Variants in RBMS3 observed in about 807,000 individuals in gnomAD.
RBMS3 encodes RNA-binding motif, single-stranded-interacting protein 3.
A neutral mutation model predicts 66.8 loss-of-function variants in RBMS3; 27 were observed. The observed-to-expected ratio is 0.40, with a 90% confidence interval of 0.30 to 0.56. The LOEUF is 0.56. Ranked by LOEUF, RBMS3 falls within the 20% of genes least tolerant of loss-of-function variation. The pLI is 0.40. For synonymous variants in RBMS3, 188 were observed against 183.0 expected (o/e 1.03, Z -0.22); for missense variants, 513 against 549.5 (o/e 0.93, Z 0.66).
intron 12 of RBMS3, among the ~76,000 whole-genome samples, chr3:29,972,160 C>A (rs73829215): frequency 6.6e-6 from 1 of 151,866 alleles, no homozygotes; most frequent in African/African-American, 2.4e-5. Context: ...ACCAGAGGGT[C>A]GATTTCCTTC....
intron 3 of RBMS3, among the ~76,000 whole-genome samples, chr3:29,527,181 T>TAAAAAAAAAAAAAAA (rs538907247): frequency 6.8e-5 from 6 of 87,826 alleles, no homozygotes; most frequent in African/African-American, 2.4e-4. Flanking sequence ...TTAGGTAGAG[T>TAAAAAAAAAAAAAAA]AAAAAAAAAA....
At chr3:29,762,237 G>C (rs1441053811) in intron 5 of RBMS3, among the ~76,000 whole-genome samples, 1 of 152,128 alleles carries the variant, frequency 6.6e-6, no homozygotes, top group Non-Finnish European at 1.5e-5. Flanking sequence ...CCTAAGGTTT[G>C]TGTATCTATA....
At chr3:29,402,874 T>C (rs1559551679) in intron 1 of RBMS3, among the ~76,000 whole-genome samples, 1 of 151,622 alleles carries the variant, frequency 6.6e-6, no homozygotes, top group Non-Finnish European at 1.5e-5. Context: ...TAAACTGGAG[T>C]TTATGGACAC....
intron 12 of RBMS3, among the ~76,000 whole-genome samples, chr3:29,954,631 T>C (rs1217191076): frequency 6.6e-6 from 1 of 151,988 alleles, no homozygotes; most frequent in Non-Finnish European, 1.5e-5. Flanking sequence ...CAATGGTGCT[T>C]AAAACCTCAG....
At chr3:29,870,997 G>C (rs2059478370) in intron 7 of RBMS3, among the ~76,000 whole-genome samples, 1 of 152,008 alleles carries the variant, frequency 6.6e-6, no homozygotes, top group South Asian at 2.1e-4. Flanking sequence ...TTGGATAACT[G>C]TGTGCCCATC....
At chr3:29,928,999 A>T (rs79350846) in intron 10 of RBMS3, among the ~76,000 whole-genome samples, 2,335 of 152,302 alleles carry the variant, frequency 0.015, 47 homozygotes, top group African/African-American at 0.054. Context: ...TCTTTCTCTA[A>T]ACAATTAATA....
At chr3:29,990,655 A>G (rs568439896) in intron 13 of RBMS3, among the ~76,000 whole-genome samples, 1 of 152,254 alleles carries the variant, frequency 6.6e-6, no homozygotes, top group South Asian at 2.1e-4. Context: ...ACTTTGATGT[A>G]TATTTTTATT....
At chr3:29,937,766 G>T (rs557610587) in intron 11 of RBMS3, among the ~76,000 whole-genome samples, 7 of 151,922 alleles carry the variant, frequency 4.6e-5, no homozygotes, top group African/African-American at 7.2e-5. Flanking sequence ...AGAGCTTGAA[G>T]ACAATATTTT....
chr3:29,874,215 T>C (rs2059557951), intron 7 of RBMS3, among the ~76,000 whole-genome samples: 1 of 152,166 alleles, frequency 6.6e-6, no homozygotes, highest in African/African-American at 2.4e-5. Context: ...TGGGGTGCAA[T>C]TGAATTTTAT....
intron 5 of RBMS3, among the ~76,000 whole-genome samples, chr3:29,741,661 C>T (rs947030912): frequency 3.9e-5 from 6 of 152,186 alleles, no homozygotes; most frequent in Non-Finnish European, 8.8e-5. Context: ...AGGATGTGTT[C>T]GTACAAAGTA....
intron 3 of RBMS3, among the ~76,000 whole-genome samples, chr3:29,503,817 A>C (rs1346999495): frequency 6.6e-6 from 1 of 152,134 alleles, no homozygotes; most frequent in Non-Finnish European, 1.5e-5. Flanking sequence ...GCAGTGGAAA[A>C]AATAACATCC....
At chr3:29,357,447 A>T (rs1253500524) in intron 1 of RBMS3, among the ~76,000 whole-genome samples, 1 of 152,276 alleles carries the variant, frequency 6.6e-6, no homozygotes. Flanking sequence ...CCAGTCTATC[A>T]TTGGTGGACA....
At chr3:29,663,537 A>G (rs2050636993) in intron 4 of RBMS3, among the ~76,000 whole-genome samples, 1 of 152,188 alleles carries the variant, frequency 6.6e-6, no homozygotes, top group African/African-American at 2.4e-5. Context: ...CAAAAGGGAA[A>G]AATAAGCTCC....
At chr3:29,565,204 A>G (rs1200034923) in intron 3 of RBMS3, among the ~76,000 whole-genome samples, 1 of 152,196 alleles carries the variant, frequency 6.6e-6, no homozygotes, top group Non-Finnish European at 1.5e-5. Flanking sequence ...TTTATCTTGT[A>G]TATGGTATTT....
chr3:29,702,506 G>A (rs1215885862), intron 4 of RBMS3, among the ~76,000 whole-genome samples: 1 of 152,212 alleles, frequency 6.6e-6, no homozygotes, highest in Non-Finnish European at 1.5e-5. Flanking sequence ...CTCTGTGGAA[G>A]CTTTGTTCTT....
In RBMS3 at chr3:30,006,112, TGAAACTC is replaced by T. The variant is rs1365291982; in HGVS notation, c.*2251_*2257del. ...GAATGAATCCTTTGAATCAAATAGG[TGAAACTC>T]TTTTCAAAAACTAAGTCAGTCACAG... is the stretch of plus-strand genomic sequence containing the variant. On this transcript the variant is annotated 3_prime_UTR_variant, in exon 15 of 15. Coordinates refer to ENST00000383767, the MANE Select transcript of RBMS3 (RefSeq NM_001003793.3). 1.3e-5 allele frequency: 2 copies of T among 151,852 alleles called. No homozygotes were observed. The highest frequency in any genetic ancestry group is 4.8e-5 in the African/African-American group (2 of 41,410). The allele number at this position is 151,852 out of a possible 1,614,324, so 9.4% of individuals were successfully genotyped here. A position where few individuals can be genotyped will look rare whatever the true frequency, so the allele number is the denominator to read the frequency against.
At position 30,004,418 on chromosome 3, in the gene RBMS3, C is replaced by T. The variant is rs1008580237; in HGVS notation, c.*556C>T. The T allele has an allele frequency of 6.6e-6, 1 of 151,796 alleles. No homozygotes were observed. The highest frequency in any genetic ancestry group is 1.5e-5 in the Non-Finnish European group (1 of 67,720). The allele number at this position is 151,796 out of a possible 1,614,324, so 9.4% of individuals were successfully genotyped here. ...TAATTTTAAGGACGTCAAAGGCTCT[C>T]GAGGCAAGCTGTCAACGTCTTGTTG... On this transcript the variant is annotated 3_prime_UTR_variant, in exon 15 of 15. Coordinates refer to ENST00000383767, the MANE Select transcript of RBMS3 (RefSeq NM_001003793.3).
At chr3:29,861,343 A>C (rs1456839170) in intron 6 of RBMS3, among the ~76,000 whole-genome samples, 2 of 152,062 alleles carry the variant, frequency 1.3e-5, no homozygotes, top group African/African-American at 4.8e-5. Flanking sequence ...TTTTTCCTGA[A>C]GATTTGGAAC....
intron 4 of RBMS3, among the ~76,000 whole-genome samples, chr3:29,649,478 T>TAAATATATG (rs1358666673): frequency 3.3e-5 from 5 of 152,222 alleles, no homozygotes; most frequent in Non-Finnish European, 7.3e-5. Flanking sequence ...CTAAGTGAAG[T>TAAATATATG]AAATATATGA....
Sources: allele counts gnomAD v4.1 joint callset (sites outside exome capture counted in the v4.1 genomes callset), GRCh38; gene constraint gnomAD v4.1.1; transcripts MANE v1.5; gene names NCBI Gene and HGNC (gene_info 2026-07-23, HGNC 2026-07-21).